The following INPP4A variants were observed in gnomAD, a reference collection of about 807,000 sequenced individuals.
INPP4A encodes the protein inositol polyphosphate-4-phosphatase, type I, 107kD.
INPP4A carries 33 observed loss-of-function variants against 119.8 expected under a neutral mutation model. The observed-to-expected ratio is 0.28, with a 90% confidence interval of 0.21 to 0.37. The LOEUF (loss-of-function observed/expected upper bound fraction) is 0.37. INPP4A is among the 10% of genes least tolerant of loss of function. INPP4A has a pLI of 1.00. For missense variants in INPP4A, 956 were observed against 1,289.9 expected, an observed-to-expected ratio of 0.74 and a Z score of 3.97; for synonymous variants, 496 against 500.7, an observed-to-expected ratio of 0.99 and a Z score of 0.12.
intron 1 of INPP4A, among the ~76,000 whole-genome samples, chr2:98,470,946 G>C (rs909528887): frequency 6.6e-6 from 1 of 152,126 alleles, no homozygotes; most frequent in Admixed American, 6.5e-5. Flanking sequence ...GATTACATGC[G>C]TGAGCCACCG....
At chr2:98,502,809 C>A (rs1046982197) in intron 1 of INPP4A, among the ~76,000 whole-genome samples, 3 of 152,190 alleles carry the variant, frequency 2.0e-5, no homozygotes, top group African/African-American at 7.2e-5. Context: ...AGCTCAAAGG[C>A]AAAAGATGGC....
At chr2:98,543,837 A>G in intron 10 of INPP4A, 40 bp from the exon 11 acceptor site, 1 of 1,610,750 alleles carries the variant, frequency 6.2e-7, no homozygotes, top group Non-Finnish European at 8.5e-7. Context: ...TGGGGAAACC[A>G]GTTAGCCCAC....
chr2:98,462,454 A>G (rs1206095910), intron 1 of INPP4A, among the ~76,000 whole-genome samples: 1 of 152,130 alleles, frequency 6.6e-6, no homozygotes, highest in Non-Finnish European at 1.5e-5. Context: ...TCTCAAAAAT[A>G]AATAAATAAA....
intron 1 of INPP4A, among the ~76,000 whole-genome samples, chr2:98,450,613 G>C (rs534836926): frequency 6.6e-6 from 1 of 152,214 alleles, no homozygotes; most frequent in South Asian, 2.1e-4. Context: ...CCAGAGGCTT[G>C]TTGGGGGATT....
At chr2:98,506,508 TC>T (rs1245158953) in intron 1 of INPP4A, among the ~76,000 whole-genome samples, 1 of 152,116 alleles carries the variant, frequency 6.6e-6, no homozygotes, top group Admixed American at 6.5e-5. Context: ...TTATATTTCT[TC>T]CCCCTTGAGA....
At chr2:98,533,212 G>A (rs1446794602) in intron 4 of INPP4A, among the ~76,000 whole-genome samples, 165 bp from the exon 5 acceptor site, 4 of 152,200 alleles carry the variant, frequency 2.6e-5, no homozygotes, top group African/African-American at 9.7e-5. Flanking sequence ...AAAAGAGATT[G>A]TTTCAAATTT....
At chr2:98,550,189 C>T (rs1441458521) in intron 13 of INPP4A, among the ~76,000 whole-genome samples, 1 of 152,092 alleles carries the variant, frequency 6.6e-6, no homozygotes, top group Non-Finnish European at 1.5e-5. Context: ...GGCCTGGTCA[C>T]CCCTTGCCGT....
rs1334368200 is a variant in INPP4A at position 98,587,974 on chromosome 2, A to G, written c.*366A>G. The G allele has an allele frequency of 4.3e-6, 1 of 230,432 alleles. No individual in the cohort carries two copies. Among genetic ancestry groups the G allele is most frequent in the Non-Finnish European group, 8.6e-6 (1 of 116,946 alleles). 14.3% of individuals were successfully genotyped at this position (230,432 alleles called of 1,614,324 possible). A position where few individuals can be genotyped will look rare whatever the true frequency, so the allele number is the denominator to read the frequency against. ...CCTGCTTGCTCACTTACTTTTCTAC[A>G]GAGTAACTCAAAAGTAACCATTGAA... On this transcript the variant is annotated 3_prime_UTR_variant, in exon 25 of 25. Coordinates refer to ENST00000409851, the MANE Select transcript of INPP4A (RefSeq NM_001134225.2).
intron 1 of INPP4A, among the ~76,000 whole-genome samples, chr2:98,491,640 A>G (rs956224032): frequency 1.3e-5 from 2 of 152,170 alleles, no homozygotes; most frequent in Non-Finnish European, 2.9e-5. Flanking sequence ...CACTTTGTAC[A>G]CAGTCACCTA....
chr2:98,539,389 TA>T, intron 9 of INPP4A, 138 bp from the exon 10 acceptor site: 1 of 913,626 alleles, frequency 1.1e-6, no homozygotes, highest in Non-Finnish European at 1.6e-6. Context: ...GTTTTCGGTG[TA>T]AGCGTTTTAA....
intron 1 of INPP4A, among the ~76,000 whole-genome samples, chr2:98,465,203 C>T (rs1450536516): frequency 6.6e-6 from 1 of 152,222 alleles, no homozygotes; most frequent in Non-Finnish European, 1.5e-5. Context: ...AAGCTGTGGG[C>T]AAGGCCATGT....
At chr2:98,508,312 C>G (rs1684469556) in intron 1 of INPP4A, among the ~76,000 whole-genome samples, 1 of 152,208 alleles carries the variant, frequency 6.6e-6, no homozygotes, top group African/African-American at 2.4e-5. Context: ...ATGAATAAGG[C>G]ACACCCAGCC....
At chr2:98,460,770 G>A (rs1199153555) in intron 1 of INPP4A, among the ~76,000 whole-genome samples, 1 of 152,176 alleles carries the variant, frequency 6.6e-6, no homozygotes, top group African/African-American at 2.4e-5. Flanking sequence ...GCAGACCACA[G>A]GGCAGGGTGT....
chr2:98,522,682 A>G (rs1687443844), intron 4 of INPP4A, among the ~76,000 whole-genome samples: 1 of 152,154 alleles, frequency 6.6e-6, no homozygotes, highest in Non-Finnish European at 1.5e-5. Context: ...GGCCCAGCAC[A>G]ATGCTGAAAG....
chr2:98,513,014 A>G (rs1320491898), intron 1 of INPP4A, among the ~76,000 whole-genome samples: 1 of 152,222 alleles, frequency 6.6e-6, no homozygotes, highest in Non-Finnish European at 1.5e-5. Context: ...ATCTTTCCTA[A>G]GCAGATGGCT....
chr2:98,540,924 A>C (rs1043132128), intron 10 of INPP4A, among the ~76,000 whole-genome samples: 1 of 152,246 alleles, frequency 6.6e-6, no homozygotes, highest in Non-Finnish European at 1.5e-5. Context: ...GTTAATTATA[A>C]ACACAATATA....
chr2:98,467,277 T>C lies in INPP4A; in HGVS notation c.-166+22192T>C, dbSNP rs141405589. On this transcript the variant is annotated intron_variant, in intron 1 of 24. Transcript: ENST00000409851. ...GAGGGATCTGCCCCCATGACCCAAA[T>C]ACTTCCCATTAGGCCCCACTTCTGA... Among the ~76,000 whole-genome samples the C allele has an allele frequency of 4.8e-4, 73 of 152,278 alleles. 1 individual carries two copies. The Middle Eastern group carries it at 0.034, about 71-fold the overall frequency.
chr2:98,450,194 G>A (rs1041952394), intron 1 of INPP4A, among the ~76,000 whole-genome samples: 2 of 152,124 alleles, frequency 1.3e-5, no homozygotes, highest in Non-Finnish European at 2.9e-5. Context: ...GGGAGGTTCT[G>A]TCCAAAGGTG....
At chr2:98,473,213 T>C (rs866502845) in intron 1 of INPP4A, among the ~76,000 whole-genome samples, 772 of 45,118 alleles carry the variant, frequency 0.017, 1 homozygote, top group Middle Eastern at 0.042. Context: ...GAGTGGAGGG[T>C]AGTGTGGGTG....
Sources: gnomAD v4.1 joint callset for allele counts (sites outside exome capture counted in the v4.1 genomes callset) on GRCh38, gnomAD v4.1.1 for gene constraint, MANE v1.5 for transcripts, NCBI Gene and HGNC (gene_info 2026-07-23, HGNC 2026-07-21) for gene names.